Variants in AK9 observed in about 807,000 individuals in gnomAD.
AK9 encodes adenylate kinase 9.
In AK9, 191 loss-of-function variants were observed where a neutral mutation model predicts 239.6. The ratio of observed to expected loss-of-function variants is 0.80; its 90% CI spans 0.71 to 0.90. The LOEUF (loss-of-function observed/expected upper bound fraction) is 0.90. AK9 is among the 40% of genes least tolerant of loss of function. AK9 has a pLI of 0.00. For synonymous variants in AK9, 689 were observed against 721.0 expected (o/e 0.96, Z 0.71); for missense variants, 1,995 against 2,214.7 (o/e 0.90, Z 1.99).
chr6:109,653,957 G>A (rs1401780144), intron 8 of AK9, among the ~76,000 whole-genome samples: 2 of 152,014 alleles, frequency 1.3e-5, no homozygotes, highest in Non-Finnish European at 2.9e-5. Context: ...CAACAACAAT[G>A]TTGAACTCTG....
rs1582766697 is a variant in AK9, at chr6:109,509,437, G to A, written c.4280-57C>T. On this transcript the variant is annotated intron_variant, in intron 32 of 40. Transcript: ENST00000424296. ...AATGATTTAGATTCAGGGGGGACAT[G>A]TGCAGTTTTGTTACATGGGTATATT... The A allele has an allele frequency of 1.2e-5, 17 of 1,440,172 alleles. No homozygotes were observed. The East Asian group carries it at 4.2e-4, about 36-fold the overall frequency. The allele number at this position is 1,440,172 out of a possible 1,614,324, so 89.2% of individuals were successfully genotyped here.
chr6:109,665,005 A>G (rs1025749683), intron 5 of AK9, among the ~76,000 whole-genome samples: 5 of 152,070 alleles, frequency 3.3e-5, no homozygotes, highest in African/African-American at 1.2e-4. Flanking sequence ...GCACCACTGC[A>G]CTCCAGCCTG....
intron 13 of AK9, among the ~76,000 whole-genome samples, chr6:109,618,667 G>C (rs753393126): frequency 7.9e-5 from 12 of 152,128 alleles, no homozygotes; most frequent in Non-Finnish European, 1.8e-4. Flanking sequence ...GCTTCTTCTA[G>C]TTTCATCGCA....
At chr6:109,573,086 C>T (rs931141600) in intron 21 of AK9, among the ~76,000 whole-genome samples, 2 of 152,038 alleles carry the variant, frequency 1.3e-5, no homozygotes, top group African/African-American at 4.8e-5. Context: ...CTTAGAGCAA[C>T]ATTAAATAGC....
Position 109,506,430 on chromosome 6 carries a change from C to A in AK9, c.4746G>T (p.Val1582=). The part of the protein sequence containing the change: ...YYQEQHQNWY[V]IDGFHSKWWV... ...ACCATTTGCTGTGAAATCCATCAAT[C>A]ACATACCAGTTCTGATGCTGTTCTT... Residue 1582 remains valine (V), a synonymous_variant, in exon 35 of 41, where the codon GTG becomes GTT. Transcript: ENST00000424296. 6.2e-7 allele frequency: 1 copy of A among 1,613,822 alleles called. No individual in the cohort carries two copies. Among genetic ancestry groups the A allele is most frequent in the Non-Finnish European group, 8.5e-7 (1 of 1,179,950 alleles).
At position 109,519,725 on chromosome 6, in the gene AK9, G is replaced by A. The variant is rs1779636666; in HGVS notation, c.3634-3083C>T. The stretch of plus-strand genomic sequence containing the variant: ...CAGGAGGACTGCTTGAGCCCTGGAG[G>A]TTGAGGCTGCAGTGAGCTGTGATGG... On this transcript the variant is annotated intron_variant, in intron 29 of 40. Transcript: ENST00000424296. 2.6e-5 allele frequency among the ~76,000 whole-genome samples: 4 copies of A among 151,182 alleles called. No homozygotes were observed. In the South Asian group the frequency reaches 8.4e-4, roughly 32 times the overall value.
At chr6:109,683,661 A>T (rs1773018527) in intron 1 of AK9, among the ~76,000 whole-genome samples, 1 of 152,238 alleles carries the variant, frequency 6.6e-6, no homozygotes. Flanking sequence ...TGCTACAAAG[A>T]GAATAAAATA....
intron 3 of AK9, among the ~76,000 whole-genome samples, chr6:109,672,732 ACT>A (rs1470360178): frequency 6.6e-6 from 1 of 152,130 alleles, no homozygotes; most frequent in Non-Finnish European, 1.5e-5. Context: ...GGGGGAGTTA[ACT>A]CTGTAAACGC....
intron 17 of AK9, among the ~76,000 whole-genome samples, chr6:109,600,981 G>A (rs554027870): frequency 6.6e-6 from 1 of 152,000 alleles, no homozygotes; most frequent in Non-Finnish European, 1.5e-5. Flanking sequence ...TTCTTTATTA[G>A]TCTTGCTAGC....
At chr6:109,650,244 T>C (rs1798725124) in intron 8 of AK9, among the ~76,000 whole-genome samples, 1 of 151,372 alleles carries the variant, frequency 6.6e-6, no homozygotes, top group Non-Finnish European at 1.5e-5. Context: ...TGGAATCTAA[T>C]TAAACTAAAG....
At chr6:109,672,296 A>T (rs1314882170) in intron 3 of AK9, 129 bp from the exon 4 acceptor site, 1 of 819,674 alleles carries the variant, frequency 1.2e-6, no homozygotes. Flanking sequence ...TTACAATGCA[A>T]ATGTATGCAT....
In AK9 at chr6:109,550,245, G is replaced by A. The variant is rs866077218; in HGVS notation, c.2809C>T (p.Pro937Ser). Reference sequence around the variant, plus strand: ...ATGAAGTTTTCTTTGAGGACCACCGGACAAAAGTGTTTTGTGTCTCCCAAA... The same window carrying A: ...ATGAAGTTTTCTTTGAGGACCACCGAACAAAAGTGTTTTGTGTCTCCCAAA... Reference protein sequence around the residue: ...RHLGDTKHFCPVVLKENFILQ... With the variant: ...RHLGDTKHFCSVVLKENFILQ... The change falls in exon 25 of 41, where the codon CCG becomes TCG. Residue 937 changes from proline to serine, a missense_variant. Pro to Ser is a moderately conservative substitution (Grantham distance 74, BLOSUM62 -1). Coordinates refer to ENST00000424296, the MANE Select transcript of AK9 (RefSeq NM_001145128.3). 6.2e-7 allele frequency: 1 copy of A among 1,613,014 alleles called. No individual in the cohort carries two copies. The highest frequency in any genetic ancestry group is 1.1e-5 in the South Asian group (1 of 91,066).
At chr6:109,677,122 A>G (rs1375641033) in intron 1 of AK9, among the ~76,000 whole-genome samples, 1 of 151,872 alleles carries the variant, frequency 6.6e-6, no homozygotes, top group East Asian at 2.0e-4. Flanking sequence ...AGAGGATACA[A>G]AAAACTACCT....
At chr6:109,534,873 A>G (rs2128137793) in intron 27 of AK9, among the ~76,000 whole-genome samples, 1 of 151,668 alleles carries the variant, frequency 6.6e-6, no homozygotes, top group East Asian at 1.9e-4. Flanking sequence ...TTTTGTCCTC[A>G]CGATAGTTTG....
rs568993062 is a variant in AK9, at chr6:109,519,614, G to T, written c.3634-2972C>A. On this transcript the variant is annotated intron_variant, in intron 29 of 40. Transcript: ENST00000424296. Reference sequence around the variant, plus strand: ...GTTTGAAAACAGCCTGGGCAAAATGGTTAAACCCTGTCTCTCCGAAAGTAA... The same window carrying T: ...GTTTGAAAACAGCCTGGGCAAAATGTTTAAACCCTGTCTCTCCGAAAGTAA... Among the ~76,000 whole-genome samples the T allele has an allele frequency of 5.9e-5, 9 of 152,124 alleles. No individual in the cohort carries two copies. The South Asian group carries it at 1.7e-3, about 28-fold the overall frequency.
At chr6:109,598,213 T>C in intron 17 of AK9, among the ~76,000 whole-genome samples, 1 of 145,734 alleles carries the variant, frequency 6.9e-6, no homozygotes, top group Non-Finnish European at 1.5e-5. Flanking sequence ...CCTAATGCTA[T>C]CCCTCCCCCC....
At chr6:109,615,258 CTT>C (rs5879032) in intron 13 of AK9, among the ~76,000 whole-genome samples, 19 of 139,252 alleles carry the variant, frequency 1.4e-4, no homozygotes, top group Non-Finnish European at 1.4e-4. Flanking sequence ...GTTCCCTTGG[CTT>C]TTTTTTTTTT....
intron 29 of AK9, among the ~76,000 whole-genome samples, chr6:109,523,543 G>GA (rs1469646737): frequency 1.3e-5 from 2 of 152,162 alleles, no homozygotes; most frequent in East Asian, 3.8e-4. Context: ...AAATTTGGAG[G>GA]AAGCAACTGG....
intron 24 of AK9, among the ~76,000 whole-genome samples, chr6:109,552,651 G>A (rs1784503903): frequency 6.6e-6 from 1 of 152,054 alleles, no homozygotes; most frequent in Non-Finnish European, 1.5e-5. Context: ...CATTCTTCAG[G>A]TTGCCTGTTC....
Sources: allele counts gnomAD v4.1 joint callset (sites outside exome capture counted in the v4.1 genomes callset), GRCh38; gene constraint gnomAD v4.1.1; transcripts MANE v1.5; gene names NCBI Gene and HGNC (gene_info 2026-07-23, HGNC 2026-07-21).